GPC5: variants seen among roughly 807,000 people sequenced by gnomAD.
GPC5 encodes glypican-5.
Under a neutral mutation model 53.9 loss-of-function variants are expected in GPC5, and 47 were observed. That is an observed-to-expected ratio of 0.87 (90% CI 0.69 to 1.11). The LOEUF (loss-of-function observed/expected upper bound fraction) is 1.11, where lower values mean the gene tolerates loss of function less well. Ranked by LOEUF, GPC5 falls within the 50% of genes most tolerant of loss-of-function variation. The pLI, the probability that GPC5 is intolerant of heterozygous loss-of-function variation, is 0.00. For missense variants in GPC5, 748 were observed against 713.1 expected (o/e 1.05, Z -0.56); for synonymous variants, 286 against 263.3 (o/e 1.09, Z -0.84).
At chr13:91,432,587 C>T (rs978256059) in intron 1 of GPC5, among the ~76,000 whole-genome samples, 9 of 152,080 alleles carry the variant, frequency 5.9e-5, no homozygotes, top group South Asian at 2.1e-4. Flanking sequence ...CTGAATTTGT[C>T]GGTTGCCAAG....
chr13:92,170,419 G>GTTTTTT (rs2042061455), intron 7 of GPC5, among the ~76,000 whole-genome samples: 1 of 80,320 alleles, frequency 1.2e-5, no homozygotes, highest in African/African-American at 5.0e-5. Context: ...TCTTTTCTTT[G>GTTTTTT]CTTTTTTTTT....
rs540225384 is a variant in GPC5 at position 91,966,754 on chromosome 13, A to G, written c.1401+58697A>G. Among the ~76,000 whole-genome samples, 100 of 152,308 alleles carry G rather than the reference A, an allele frequency of 6.6e-4. 1 individual carries two copies. Among genetic ancestry groups the G allele is most frequent in the African/African-American group, 2.3e-3 (97 of 41,580 alleles). On this transcript the variant is annotated intron_variant, in intron 6 of 7. Transcript: ENST00000377067. ...GAGCTGAACTATGATGTAAGTCATA[A>G]AAGGCCTGATTCACTTAAAAACTGA...
intron 1 of GPC5, among the ~76,000 whole-genome samples, chr13:91,405,526 A>G (rs540768956): frequency 6.6e-6 from 1 of 152,284 alleles, no homozygotes; most frequent in Admixed American, 6.5e-5. Flanking sequence ...TCTCAAGTTC[A>G]CGAAACTAGG....
At chr13:92,557,784 CAG>C (rs1044558791) in intron 7 of GPC5, among the ~76,000 whole-genome samples, 3 of 151,880 alleles carry the variant, frequency 2.0e-5, no homozygotes, top group Admixed American at 6.6e-5. Context: ...CAAGCCTGCA[CAG>C]AGTCACCCTC....
At chr13:91,566,045 A>C (rs901921439) in intron 2 of GPC5, among the ~76,000 whole-genome samples, 9 of 152,116 alleles carry the variant, frequency 5.9e-5, no homozygotes, top group Admixed American at 5.9e-4. Flanking sequence ...GGGCCCACAC[A>C]GTAATCCAGC....
At chr13:92,803,560 C>T (rs905205035) in intron 7 of GPC5, among the ~76,000 whole-genome samples, 1 of 151,828 alleles carries the variant, frequency 6.6e-6, no homozygotes. Context: ...CTAGTCTCCT[C>T]GAAATAATTA....
At chr13:91,786,244 G>A (rs750862364) in intron 5 of GPC5, among the ~76,000 whole-genome samples, 6 of 151,954 alleles carry the variant, frequency 3.9e-5, no homozygotes, top group Non-Finnish European at 7.4e-5. Context: ...ATCCGCCTGC[G>A]TCAGCCTCCC....
chr13:92,785,007 T>G (rs938509417), intron 7 of GPC5, among the ~76,000 whole-genome samples: 1 of 152,208 alleles, frequency 6.6e-6, no homozygotes, highest in Non-Finnish European at 1.5e-5. Context: ...CCAGGCATGG[T>G]GGCTCACGCC....
intron 2 of GPC5, among the ~76,000 whole-genome samples, chr13:91,641,102 C>T (rs2034416382): frequency 6.6e-6 from 1 of 152,050 alleles, no homozygotes; most frequent in Non-Finnish European, 1.5e-5. Flanking sequence ...CCGAGGTGGA[C>T]AGATCACGAG....
rs547624499 is a variant in GPC5, at chr13:92,383,509, C to T, written c.1561+238520C>T. On this transcript the variant is annotated intron_variant, in intron 7 of 7. Coordinates refer to ENST00000377067, the MANE Select transcript of GPC5 (RefSeq NM_004466.6). ...AAGAGTAAATGATAGACGACTAAAA[C>T]ATATTACGCTATGCTTATTTTTGGT... Among the ~76,000 whole-genome samples, 4 of 152,222 alleles carry T rather than the reference C, an allele frequency of 2.6e-5. No homozygotes were observed. In the East Asian group the frequency reaches 7.7e-4, roughly 29 times the overall value.
chr13:92,646,929 CATGTGT>C (rs1309022143), intron 7 of GPC5, among the ~76,000 whole-genome samples: 8 of 135,096 alleles, frequency 5.9e-5, no homozygotes, highest in South Asian at 2.4e-4. Flanking sequence ...TATATATAAA[CATGTGT>C]GTGTGTGTGT....
intron 7 of GPC5, among the ~76,000 whole-genome samples, chr13:92,719,157 G>T (rs1279704541): frequency 6.7e-6 from 1 of 150,158 alleles, no homozygotes; most frequent in Non-Finnish European, 1.5e-5. Flanking sequence ...ATACATAGAT[G>T]ATTCCTATAG....
rs1032155052 is a variant in GPC5 at position 91,672,485 on chromosome 13, A to G, written c.326-20702A>G. Among the ~76,000 whole-genome samples, 9 of 151,884 alleles carry G rather than the reference A, an allele frequency of 5.9e-5. No individual in the cohort carries two copies. The East Asian group carries it at 1.7e-3, about 29-fold the overall frequency. On this transcript the variant is annotated intron_variant, in intron 2 of 7. Coordinates refer to ENST00000377067, the MANE Select transcript of GPC5 (RefSeq NM_004466.6). ...CACGGTCAACAAACATATGAAGAAA[A>G]GCTCAACATTACTGATCATCAGAGA...
intron 7 of GPC5, among the ~76,000 whole-genome samples, chr13:92,507,679 T>C (rs1240152782): frequency 6.6e-6 from 1 of 152,148 alleles, no homozygotes; most frequent in East Asian, 1.9e-4. Flanking sequence ...CACTGAGAAT[T>C]GAAAATGTTA....
At chr13:91,759,109 C>T (rs541315808) in intron 5 of GPC5, among the ~76,000 whole-genome samples, 14 of 152,170 alleles carry the variant, frequency 9.2e-5, no homozygotes, top group African/African-American at 3.4e-4. Flanking sequence ...TTTAATGCCC[C>T]AAGTAAGTTG....
At chr13:91,776,894 A>G (rs777621959) in intron 5 of GPC5, among the ~76,000 whole-genome samples, 1 of 152,196 alleles carries the variant, frequency 6.6e-6, no homozygotes, top group Non-Finnish European at 1.5e-5. Context: ...TCATGCAACC[A>G]TCAGAAAATA....
intron 6 of GPC5, among the ~76,000 whole-genome samples, chr13:92,127,577 TAGC>T (rs1175603115): frequency 2.0e-5 from 3 of 152,140 alleles, no homozygotes; most frequent in Admixed American, 1.3e-4. Context: ...TTCCTTGAAT[TAGC>T]AGAGCAGAAC....
chr13:92,008,017 G>T (rs188899153), intron 6 of GPC5, among the ~76,000 whole-genome samples: 145 of 151,098 alleles, frequency 9.6e-4, no homozygotes, highest in African/African-American at 3.4e-3. Context: ...AGTTTTCTTG[G>T]AACAGTACAT....
chr13:91,677,791 T>C (rs945893120), intron 2 of GPC5, among the ~76,000 whole-genome samples: 2 of 152,214 alleles, frequency 1.3e-5, no homozygotes, highest in Non-Finnish European at 2.9e-5. Context: ...GTCATATCTT[T>C]GGAAGGACCT....
Sources: gnomAD v4.1 joint callset for allele counts (sites outside exome capture counted in the v4.1 genomes callset) on GRCh38, gnomAD v4.1.1 for gene constraint, MANE v1.5 for transcripts, NCBI Gene and HGNC (gene_info 2026-07-23, HGNC 2026-07-21) for gene names.